The following SPAG9 variants were observed in gnomAD, a reference collection of about 807,000 sequenced individuals.
SPAG9 encodes the protein sperm associated antigen 9, also known as C-Jun-amino-terminal kinase-interacting protein 4.
A neutral mutation model predicts 166.5 loss-of-function variants in SPAG9; 35 were observed. The observed-to-expected ratio is 0.21, with a 90% CI of 0.16 to 0.28. The LOEUF is 0.28. Ranked by LOEUF, SPAG9 falls within the 10% of genes least tolerant of loss-of-function variation. The pLI is 1.00. For synonymous variants in SPAG9, 534 were observed against 565.5 expected (o/e 0.94, Z 0.79); for missense variants, 1,235 against 1,603.3 (o/e 0.77, Z 3.92).
intron 28 of SPAG9, among the ~76,000 whole-genome samples, 192 bp from the exon 29 acceptor site, chr17:50,971,048 C>G (rs1973758248): frequency 6.6e-6 from 1 of 152,062 alleles, no homozygotes; most frequent in African/African-American, 2.4e-5. Flanking sequence ...GATTTGAGGT[C>G]AGGCATGGTG....
At chr17:50,970,159 C>T (rs1317178057) in intron 29 of SPAG9, among the ~76,000 whole-genome samples, 1 of 152,196 alleles carries the variant, frequency 6.6e-6, no homozygotes, top group Non-Finnish European at 1.5e-5. Flanking sequence ...TCACATAAAA[C>T]TTCACATTGA....
intron 1 of SPAG9, among the ~76,000 whole-genome samples, chr17:51,094,740 C>CATTA (rs1335983047): frequency 2.6e-5 from 4 of 152,202 alleles, no homozygotes; most frequent in Non-Finnish European, 5.9e-5. Context: ...AAGGTTCATA[C>CATTA]ATTACATTTG....
In SPAG9 at chr17:51,037,665, T is replaced by TTATATATATA. The variant is rs59365716; in HGVS notation, c.741+3826_741+3835dup. ...AATAAAATAAGTAAATATATGTGTTTTATATATATATATATATATAGTGTG... is the reference window on the plus strand; with the variant it reads ...AATAAAATAAGTAAATATATGTGTTTTATATATATATATATATATATATATATATAGTGTG... On this transcript the variant is annotated intron_variant, in intron 5 of 29. Coordinates refer to ENST00000262013, the MANE Select transcript of SPAG9 (RefSeq NM_001130528.3). 6.0e-3 allele frequency among the ~76,000 whole-genome samples: 559 copies of TTATATATATA among 92,894 alleles called. 11 individuals carry two copies. Among genetic ancestry groups the TTATATATATA allele is most frequent in the African/African-American group, 0.013 (358 of 26,914 alleles). The allele number at this position is 92,894 out of a possible 152,430, so 60.9% of individuals were successfully genotyped here. A position where few individuals can be genotyped will look rare whatever the true frequency, so the allele number is the denominator to read the frequency against.
intron 6 of SPAG9, chr17:51,031,469 A>G (rs1224315070): frequency 5.4e-6 from 3 of 560,276 alleles, no homozygotes. Flanking sequence ...TTATTTAAAA[A>G]TGCTTACTTT....
chr17:51,089,107 CAAA>C (rs1568076479), intron 1 of SPAG9, among the ~76,000 whole-genome samples: 13 of 149,118 alleles, frequency 8.7e-5, no homozygotes, highest in African/African-American at 3.0e-4. Flanking sequence ...CAAAACAAAA[CAAA>C]ACACACACAC....
At chr17:51,031,422 G>C (rs556220815) in intron 6 of SPAG9, 1 of 490,440 alleles carries the variant, frequency 2.0e-6, no homozygotes, top group South Asian at 2.3e-5. Context: ...ATGCAAACAG[G>C]CTGAATTTCA....
chr17:51,114,785 C>T (rs1025318976), intron 1 of SPAG9, among the ~76,000 whole-genome samples: 7 of 152,078 alleles, frequency 4.6e-5, no homozygotes, highest in Non-Finnish European at 1.0e-4. Flanking sequence ...AACCCTGTCT[C>T]TACTGAAAAT....
At chr17:51,005,021 C>T (rs540790239) in intron 12 of SPAG9, among the ~76,000 whole-genome samples, 191 bp downstream of exon 12, 1 of 152,288 alleles carries the variant, frequency 6.6e-6, no homozygotes, top group East Asian at 1.9e-4. Flanking sequence ...AATGAGCACA[C>T]TGCATGGAGC....
At chr17:51,047,791 C>A (rs1417750218) in intron 3 of SPAG9, among the ~76,000 whole-genome samples, 1 of 150,168 alleles carries the variant, frequency 6.7e-6, no homozygotes, top group Non-Finnish European at 1.5e-5. Context: ...TAAACAGACA[C>A]TGGGAAAGAA....
chr17:51,096,038 G>GATATATATATATAGTGATATAT lies in SPAG9; in HGVS notation c.304-16356_304-16335dup, dbSNP rs1555659857. Among the ~76,000 whole-genome samples, 95 of 92,592 alleles carry GATATATATATATAGTGATATAT rather than the reference G, an allele frequency of 1.0e-3. 2 individuals carry two copies. The highest frequency in any genetic ancestry group is 5.4e-3 in the African/African-American group (93 of 17,268). 60.7% of individuals were successfully genotyped at this position (92,592 alleles called of 152,430 possible). ...ATATATAGTGATATATATATATAGT[G>GATATATATATATAGTGATATAT]ATATATATATATAGTGATATATATA... On this transcript the variant is annotated intron_variant, in intron 1 of 29. Transcript: ENST00000262013.
chr17:51,114,482 T>C (rs2049223379), intron 1 of SPAG9, among the ~76,000 whole-genome samples: 1 of 151,558 alleles, frequency 6.6e-6, no homozygotes, highest in Admixed American at 6.6e-5. Context: ...ATACAAAAAG[T>C]AGCTGGGCAT....
rs750655927 is a variant in SPAG9 at position 50,974,728 on chromosome 17, G to A, written c.3700+43C>T. On this transcript the variant is annotated intron_variant, in intron 28 of 29. Transcript: ENST00000262013. ...AGTGGAACCAAGAGATGACAGAAGAGAGACAATTACATGGAACATCTCAAC... is the reference window on the plus strand; with the variant it reads ...AGTGGAACCAAGAGATGACAGAAGAAAGACAATTACATGGAACATCTCAAC... 8 of 1,510,508 alleles carry A rather than the reference G, an allele frequency of 5.3e-6. No individual in the cohort carries two copies. In the African/African-American group the frequency reaches 9.8e-5, roughly 19 times the overall value. 93.6% of individuals were successfully genotyped at this position (1,510,508 alleles called of 1,614,324 possible). A position where few individuals can be genotyped will look rare whatever the true frequency, so the allele number is the denominator to read the frequency against.
At chr17:51,055,901 T>TA (rs2047350682) in intron 3 of SPAG9, among the ~76,000 whole-genome samples, 1 of 152,186 alleles carries the variant, frequency 6.6e-6, no homozygotes, top group Non-Finnish European at 1.5e-5. Context: ...ACTGTTAATT[T>TA]AAAATACTGA....
chr17:51,081,449 T>C (rs1366388064), intron 1 of SPAG9, among the ~76,000 whole-genome samples: 2 of 147,462 alleles, frequency 1.4e-5, no homozygotes, highest in African/African-American at 5.1e-5. Context: ...AGACCCCCTC[T>C]CAAAAAAAAG....
chr17:51,106,976 C>A (rs949333573), intron 1 of SPAG9, among the ~76,000 whole-genome samples: 1 of 151,528 alleles, frequency 6.6e-6, no homozygotes, highest in Admixed American at 6.6e-5. Flanking sequence ...GCGGTGCACG[C>A]CTGTAGTCCC....
intron 24 of SPAG9, among the ~76,000 whole-genome samples, chr17:50,984,343 C>T (rs1974867745): frequency 6.6e-6 from 1 of 152,072 alleles, no homozygotes. Flanking sequence ...CAAGTTTCTC[C>T]GAATTGCATA....
chr17:51,098,491 CTTAT>C (rs1030821968), intron 1 of SPAG9, among the ~76,000 whole-genome samples: 159 of 151,914 alleles, frequency 1.0e-3, no homozygotes, highest in African/African-American at 3.8e-3. Context: ...TGGGTTTTTA[CTTAT>C]TTATTTATTT....
chr17:51,052,200 T>C (rs2047201637), intron 3 of SPAG9, among the ~76,000 whole-genome samples: 1 of 152,228 alleles, frequency 6.6e-6, no homozygotes, highest in Non-Finnish European at 1.5e-5. Context: ...TTGGAAATAA[T>C]AGTGAAAAGG....
chr17:50,983,191 C>A (rs1330508541), intron 24 of SPAG9, among the ~76,000 whole-genome samples: 3 of 152,180 alleles, frequency 2.0e-5, no homozygotes, highest in Admixed American at 2.0e-4. Context: ...TACTGCCTCA[C>A]AAAGCAGCCA....
Sources: gnomAD v4.1 joint callset for allele counts (sites outside exome capture counted in the v4.1 genomes callset) on GRCh38, gnomAD v4.1.1 for gene constraint, MANE v1.5 for transcripts, NCBI Gene and HGNC (gene_info 2026-07-23, HGNC 2026-07-21) for gene names.